The following GYPC variants were observed in gnomAD, a reference collection of about 807,000 sequenced individuals.
GYPC encodes glycophorin C (Gerbich blood group).
GYPC carries 14 observed loss-of-function variants against 12.6 expected under a neutral mutation model. The observed-to-expected ratio is 1.11, with a 90% CI of 0.74 to 1.74. GYPC has a LOEUF of 1.74. Ranked by LOEUF, GYPC falls within the 40% of genes most tolerant of loss-of-function variation. The pLI is 0.00. For synonymous variants in GYPC, 78 were observed against 62.1 expected (o/e 1.26, Z -1.20); for missense variants, 225 against 172.1 (o/e 1.31, Z -1.72).
chr2:126,657,358 C>G (rs1021004807), intron 1 of GYPC, among the ~76,000 whole-genome samples: 3 of 152,244 alleles, frequency 2.0e-5, no homozygotes, highest in Admixed American at 6.5e-5. Flanking sequence ...GCACTGGGAT[C>G]ATCTGCACTG....
chr2:126,675,620 T>G, intron 1 of GYPC: 2 of 917,652 alleles, frequency 2.2e-6, no homozygotes, highest in South Asian at 1.0e-4. Flanking sequence ...CTACCCTGCT[T>G]CAAAACTCTA....
intron 1 of GYPC, 93 bp downstream of exon 1, chr2:126,656,405 GTGT>G: frequency 2.6e-6 from 3 of 1,147,028 alleles, no homozygotes; most frequent in Non-Finnish European, 3.8e-6. Context: ...GGACGCCCTG[GTGT>G]CCCGGTCCGT....
chr2:126,663,106 T>C (rs1008328970), intron 1 of GYPC, among the ~76,000 whole-genome samples: 2 of 152,194 alleles, frequency 1.3e-5, no homozygotes, highest in East Asian at 3.9e-4. Flanking sequence ...GACATGATCT[T>C]GGCTCACTGC....
chr2:126,687,546 G>T (rs1176346062), intron 1 of GYPC, among the ~76,000 whole-genome samples: 1 of 152,176 alleles, frequency 6.6e-6, no homozygotes, highest in Admixed American at 6.5e-5. Flanking sequence ...AGCTCTGGTT[G>T]GGCTGAAATG....
chr2:126,673,876 G>A (rs751028045), intron 1 of GYPC, among the ~76,000 whole-genome samples: 1 of 152,178 alleles, frequency 6.6e-6, no homozygotes, highest in Non-Finnish European at 1.5e-5. Context: ...CTTAAATCCA[G>A]GAGGATCAGC....
At chr2:126,688,352 G>C (rs971405982) in intron 1 of GYPC, among the ~76,000 whole-genome samples, 1 of 152,128 alleles carries the variant, frequency 6.6e-6, no homozygotes, top group East Asian at 1.9e-4. Flanking sequence ...GTGCATAGTG[G>C]TTAGAAAAGT....
rs1393198008 is a variant in GYPC at position 126,695,982 on chromosome 2, T to A, written c.227T>A (p.Leu76His). The change falls in exon 4 of 4, where the codon CTC (leucine) becomes CAC (histidine). Residue 76 changes from leucine to histidine, a missense_variant. Leu to His is a moderately conservative substitution (Grantham distance 99, BLOSUM62 -3). Coordinates refer to ENST00000259254, the MANE Select transcript of GYPC (RefSeq NM_002101.5). ...IAAVAIVLVS[L>H]LFVMLRYMYR... is the part of the protein sequence containing the mutation. ...GCTGTGGCCATCGTCCTAGTCTCCC[T>A]CCTCTTCGTCATGCTGCGCTACATG... is the stretch of plus-strand genomic sequence containing the variant. 6.2e-7 allele frequency: 1 copy of A among 1,614,040 alleles called. No homozygotes were observed. The highest frequency in any genetic ancestry group is 8.5e-7 in the Non-Finnish European group (1 of 1,179,980).
intron 2 of GYPC, among the ~76,000 whole-genome samples, chr2:126,693,426 T>C (rs773082801): frequency 6.6e-6 from 1 of 152,150 alleles, no homozygotes; most frequent in Non-Finnish European, 1.5e-5. Context: ...CTCTCTTCTT[T>C]ATAAATTACC....
chr2:126,665,288 T>C lies in GYPC; in HGVS notation c.49+8976T>C, dbSNP rs1244957850. On this transcript the variant is annotated intron_variant, in intron 1 of 3. Coordinates refer to ENST00000259254, the MANE Select transcript of GYPC (RefSeq NM_002101.5). Reference sequence around the variant, plus strand: ...GAGAGAGACTAGTTCATATAACTTTTATAGAGTACGTTGTTACAATTGTTT... The same window carrying C: ...GAGAGAGACTAGTTCATATAACTTTCATAGAGTACGTTGTTACAATTGTTT... Among the ~76,000 whole-genome samples the C allele has an allele frequency of 3.3e-5, 5 of 152,256 alleles. No homozygotes were observed. The East Asian group carries it at 7.7e-4, about 23-fold the overall frequency.
chr2:126,669,555 G>C (rs1001373408), intron 1 of GYPC, among the ~76,000 whole-genome samples: 2 of 152,202 alleles, frequency 1.3e-5, no homozygotes, highest in African/African-American at 4.8e-5. Flanking sequence ...TCAGGCCTTG[G>C]TAATTCGCCC....
chr2:126,663,331 C>T (rs927248799), intron 1 of GYPC, among the ~76,000 whole-genome samples: 3 of 152,212 alleles, frequency 2.0e-5, no homozygotes, highest in African/African-American at 7.2e-5. Flanking sequence ...CCACCACGCC[C>T]AGCCTCCTTC....
chr2:126,683,217 G>A (rs1278600221), intron 1 of GYPC, among the ~76,000 whole-genome samples: 1 of 152,176 alleles, frequency 6.6e-6, no homozygotes, highest in African/African-American at 2.4e-5. Flanking sequence ...TACTCGGGAG[G>A]CTGAGGCAGG....
intron 1 of GYPC, among the ~76,000 whole-genome samples, chr2:126,667,560 C>A (rs1333249411): frequency 6.6e-6 from 1 of 152,092 alleles, no homozygotes; most frequent in Non-Finnish European, 1.5e-5. Flanking sequence ...TGCACCACCA[C>A]GCCTGGCTAA....
Position 126,664,987 on chromosome 2 carries a change from C to G in GYPC, c.49+8675C>G, listed in dbSNP as rs181789919. Among the ~76,000 whole-genome samples, 567 of 152,254 alleles carry G rather than the reference C, an allele frequency of 3.7e-3. 5 individuals carry two copies. The highest frequency in any genetic ancestry group is 0.013 in the African/African-American group (542 of 41,550). On this transcript the variant is annotated intron_variant, in intron 1 of 3. Transcript: ENST00000259254. ...TCTCTCTCTCTCTCTCTGTGTCTCT[C>G]TCATTTTCTGTCTCTATCTTTCTCT...
At chr2:126,664,045 A>T (rs1393159294) in intron 1 of GYPC, among the ~76,000 whole-genome samples, 1 of 150,476 alleles carries the variant, frequency 6.6e-6, no homozygotes, top group Non-Finnish European at 1.5e-5. Context: ...TCCAGGTCCC[A>T]AACTCCTGGG....
chr2:126,684,947 CCTGTAACT>C (rs1474343121), intron 1 of GYPC, among the ~76,000 whole-genome samples: 4 of 152,198 alleles, frequency 2.6e-5, no homozygotes, highest in African/African-American at 9.7e-5. Flanking sequence ...TCTCCTCTCC[CCTGTAACT>C]CTGTGGCTGA....
At chr2:126,695,670 C>T (rs886727469) in intron 3 of GYPC, among the ~76,000 whole-genome samples, 2 of 97,512 alleles carry the variant, frequency 2.1e-5, no homozygotes, top group African/African-American at 9.4e-5. Context: ...TTTTGCATGA[C>T]TTTAGGTTAA....
At chr2:126,677,553 G>T (rs1279110627) in intron 1 of GYPC, among the ~76,000 whole-genome samples, 1 of 146,188 alleles carries the variant, frequency 6.8e-6, no homozygotes, top group African/African-American at 2.5e-5. Flanking sequence ...ATGTGAGTGT[G>T]TGTATGTGAG....
At chr2:126,682,134 C>T (rs1039187074) in intron 1 of GYPC, among the ~76,000 whole-genome samples, 1 of 152,244 alleles carries the variant, frequency 6.6e-6, no homozygotes, top group East Asian at 1.9e-4. Flanking sequence ...TTGGGATACA[C>T]GGGCCTTCCT....
Sources: gnomAD v4.1 joint callset for allele counts (sites outside exome capture counted in the v4.1 genomes callset) on GRCh38, gnomAD v4.1.1 for gene constraint, MANE v1.5 for transcripts, NCBI Gene and HGNC (gene_info 2026-07-23, HGNC 2026-07-21) for gene names.